The following SHANK2 variants were observed in gnomAD, a reference collection of about 807,000 sequenced individuals.
SHANK2 encodes SH3 and multiple ankyrin repeat domains protein 2.
A neutral mutation model predicts 133.7 loss-of-function variants in SHANK2; 43 were observed. That is an observed-to-expected ratio of 0.32 (90% CI 0.25 to 0.41). The LOEUF (loss-of-function observed/expected upper bound fraction) is 0.41, where lower values mean the gene tolerates loss of function less well. Among genes scored for constraint, SHANK2 ranks in the 10% least tolerant of loss-of-function variants. SHANK2 has a pLI of 1.00. For missense variants in SHANK2, 1,994 were observed against 2,235.8 expected (o/e 0.89, Z 2.18); for synonymous variants, 1,017 against 952.8 (o/e 1.07, Z -1.24).
chr11:71,159,046 A>T (rs2135456844), intron 2 of SHANK2, among the ~76,000 whole-genome samples: 1 of 152,346 alleles, frequency 6.6e-6, no homozygotes. Flanking sequence ...CTTCTCAATA[A>T]ATGCTGCTTT....
chr11:70,625,068 C>T (rs1554999489), intron 17 of SHANK2, among the ~76,000 whole-genome samples: 1 of 152,200 alleles, frequency 6.6e-6, no homozygotes, highest in Non-Finnish European at 1.5e-5. Flanking sequence ...GTAGAACTCA[C>T]TAAAAGCACC....
chr11:70,502,863 A>G lies in SHANK2; in HGVS notation c.2130T>C (p.Asn710=), dbSNP rs1555159175. ...CCGTGACCACCTTAAGGACCAGGTG[A>G]TTCCCTCCCTGCCGGATCATGTTCA... The part of the protein sequence containing the change: ...QVVNMIRQGG[N]HLVLKVVTVT... Residue 710 remains asparagine (N), a synonymous_variant, in exon 18 of 26, where the codon AAT becomes AAC. Transcript: ENST00000601538. 2.5e-6 allele frequency: 4 copies of G among 1,612,486 alleles called. No individual in the cohort carries two copies. Among genetic ancestry groups the G allele is most frequent in the Admixed American group, 3.4e-5 (2 of 59,636 alleles).
chr11:71,173,275 T>G (rs1025041225), intron 2 of SHANK2, among the ~76,000 whole-genome samples: 1 of 152,246 alleles, frequency 6.6e-6, no homozygotes, highest in East Asian at 1.9e-4. Flanking sequence ...GATTCCAGTA[T>G]AGGTTTCTCC....
intron 14 of SHANK2, among the ~76,000 whole-genome samples, chr11:70,735,394 C>A (rs1946382349): frequency 6.6e-6 from 1 of 152,130 alleles, no homozygotes; most frequent in Non-Finnish European, 1.5e-5. Flanking sequence ...GCAAGCCAGC[C>A]TCACCCAGCA....
At chr11:71,079,004 AT>A (rs1178990499) in intron 8 of SHANK2, among the ~76,000 whole-genome samples, 1 of 152,160 alleles carries the variant, frequency 6.6e-6, no homozygotes. Context: ...CTAAGCCCCC[AT>A]TTTTGGGCTC....
intron 2 of SHANK2, among the ~76,000 whole-genome samples, chr11:71,172,371 G>A (rs753590354): frequency 2.0e-5 from 3 of 151,962 alleles, no homozygotes; most frequent in Non-Finnish European, 4.4e-5. Context: ...CAGCACTTGC[G>A]AGCGAATCAC....
intron 14 of SHANK2, among the ~76,000 whole-genome samples, chr11:70,720,625 G>C (rs1026176102): frequency 6.6e-6 from 1 of 152,214 alleles, no homozygotes; most frequent in South Asian, 2.1e-4. Flanking sequence ...AGTTGTTTAC[G>C]CTGTTCTTGG....
chr11:70,485,126 A>AT lies in SHANK2; in HGVS notation c.4979+187dup, dbSNP rs2058782419. Among the ~76,000 whole-genome samples, 1 of 152,202 alleles carries AT rather than the reference A, an allele frequency of 6.6e-6. No individual in the cohort carries two copies. The highest frequency in any genetic ancestry group is 6.5e-5 in the Admixed American group (1 of 15,280). Reference sequence around the variant, plus strand: ...GTGTCCCACCAGGATGGCTGTGATCATTACTCGGCTATCCCGGAGTCCAGG... The same window carrying AT: ...GTGTCCCACCAGGATGGCTGTGATCATTTACTCGGCTATCCCGGAGTCCAGG... On this transcript the variant is annotated intron_variant, in intron 25 of 25. Coordinates refer to ENST00000601538, the MANE Select transcript of SHANK2 (RefSeq NM_012309.5). The surrounding 1 kb of genome is among the most constrained non-coding windows in gnomAD (Gnocchi z 5.8).
chr11:70,629,115 G>A (rs1269368808), intron 17 of SHANK2, among the ~76,000 whole-genome samples: 10 of 152,222 alleles, frequency 6.6e-5, no homozygotes, highest in African/African-American at 2.2e-4. Flanking sequence ...GTGGGGAAAC[G>A]CGCCCCGGGC....
rs1047242927 is a variant in SHANK2 at position 71,075,173 on chromosome 11, C to T, written c.1015G>A (p.Ala339Thr). Reference protein sequence around the residue: ...ASGNTALHICALYNQDSCARV... With the variant: ...ASGNTALHICTLYNQDSCARV... ...TCAGCACTCACCTGGTTGTAGAGGGCGCAGATGTGCAAGGCCGTGTTCCCC... is the reference window on the plus strand; with the variant it reads ...TCAGCACTCACCTGGTTGTAGAGGGTGCAGATGTGCAAGGCCGTGTTCCCC... The change falls in exon 9 of 26, where the codon GCC (alanine) becomes ACC (threonine). Residue 339 changes from alanine to threonine, a missense_variant. By Grantham distance (58) the Ala-to-Thr change is moderately conservative. This residue lies in a region of SHANK2 where 653 missense variants were observed against 563.4 expected (regional missense o/e 1.16). Transcript: ENST00000601538. The T allele has an allele frequency of 2.0e-4, 45 of 229,568 alleles. No homozygotes were observed. The highest frequency in any genetic ancestry group is 1.1e-3 in the Admixed American group (22 of 19,150). 14.2% of individuals were successfully genotyped at this position (229,568 alleles called of 1,614,324 possible).
chr11:70,554,388 G>A (rs955051157), intron 17 of SHANK2, among the ~76,000 whole-genome samples: 3 of 152,250 alleles, frequency 2.0e-5, no homozygotes, highest in South Asian at 2.1e-4. Flanking sequence ...CTGTCCTCTC[G>A]GATAATGGGT....
chr11:71,099,839 C>G (rs1366232221), intron 6 of SHANK2, among the ~76,000 whole-genome samples: 1 of 152,098 alleles, frequency 6.6e-6, no homozygotes, highest in Non-Finnish European at 1.5e-5. Flanking sequence ...ATCATTTGAG[C>G]TCAGGAGTTC....
intron 14 of SHANK2, among the ~76,000 whole-genome samples, chr11:70,743,691 C>G (rs569161553): frequency 6.6e-6 from 1 of 152,172 alleles, no homozygotes; most frequent in African/African-American, 2.4e-5. Flanking sequence ...AGAGCCCCCA[C>G]GGGAAGTTGC....
intron 15 of SHANK2, among the ~76,000 whole-genome samples, chr11:70,687,478 G>A (rs73527903): frequency 0.058 from 8,831 of 152,172 alleles, 864 homozygotes; most frequent in African/African-American, 0.2. Flanking sequence ...GTGACCTCAC[G>A]TTGGCAGCTC....
At chr11:71,170,273 A>AG (rs1953286680) in intron 2 of SHANK2, among the ~76,000 whole-genome samples, 1 of 152,240 alleles carries the variant, frequency 6.6e-6, no homozygotes, top group Non-Finnish European at 1.5e-5. Flanking sequence ...AATGGAACAC[A>AG]GATTGTGCAA....
chr11:70,631,961 T>A (rs471743), intron 17 of SHANK2: 31,749 of 152,280 alleles, frequency 0.21, 3,495 homozygotes, highest in South Asian at 0.34. Flanking sequence ...TTACATTTCT[T>A]GGAATCACAC....
At chr11:70,883,738 A>T (rs1417015285) in intron 11 of SHANK2, among the ~76,000 whole-genome samples, 2 of 152,124 alleles carry the variant, frequency 1.3e-5, no homozygotes, top group African/African-American at 4.8e-5. Context: ...GGTGGGCAAG[A>T]CCACGTGGAA....
At position 70,663,525 on chromosome 11, in the gene SHANK2, C is replaced by T. The variant is rs534952101; in HGVS notation, c.1854-1847G>A. 6.6e-5 allele frequency among the ~76,000 whole-genome samples: 10 copies of T among 152,278 alleles called. No individual in the cohort carries two copies. In the East Asian group the frequency reaches 1.9e-3, roughly 29 times the overall value. On this transcript the variant is annotated intron_variant, in intron 15 of 25. Transcript: ENST00000601538. ...CCCACCCCCGACAGCATCAGAGGGTCGTGCATGGAGGCATGCTGGGGTGAC... is the reference window on the plus strand; with the variant it reads ...CCCACCCCCGACAGCATCAGAGGGTTGTGCATGGAGGCATGCTGGGGTGAC...
chr11:70,799,483 G>A (rs1348889324), intron 13 of SHANK2, among the ~76,000 whole-genome samples: 1 of 152,202 alleles, frequency 6.6e-6, no homozygotes, highest in Non-Finnish European at 1.5e-5. Flanking sequence ...TGTGGACGTG[G>A]AATTATCTTC....
Sources: allele counts gnomAD v4.1 joint callset (sites outside exome capture counted in the v4.1 genomes callset), GRCh38; gene constraint gnomAD v4.1.1; regional missense constraint gnomAD v4.1.1; non-coding constraint Gnocchi (gnomAD v3.1); transcripts MANE v1.5; gene names NCBI Gene and HGNC (gene_info 2026-07-23, HGNC 2026-07-21).